FCN1: variants seen among roughly 807,000 people sequenced by gnomAD.
FCN1 encodes the protein ficolin 1, also known as ficolin-1.
A neutral mutation model predicts 35.6 loss-of-function variants in FCN1; 42 were observed. The ratio of observed to expected loss-of-function variants is 1.18; its 90% CI spans 0.92 to 1.53. FCN1 has a LOEUF of 1.53. Among genes scored for constraint, FCN1 ranks in the 40% most tolerant of loss-of-function variants. FCN1 has a pLI of 0.00. For missense variants in FCN1, 439 were observed against 428.4 expected, an observed-to-expected ratio of 1.02 and a Z score of -0.22; for synonymous variants, 179 against 169.8, an observed-to-expected ratio of 1.05 and a Z score of -0.42.
At chr9:134,917,464 G>C (rs1453015099) in intron 1 of FCN1, among the ~76,000 whole-genome samples, 3 of 152,154 alleles carry the variant, frequency 2.0e-5, no homozygotes, top group African/African-American at 7.2e-5. Context: ...CCCGTAAGAA[G>C]ATAAAGTCAA....
chr9:134,910,991 G>T lies in FCN1; in HGVS notation c.733+142C>A, dbSNP rs1831015816. The stretch of plus-strand genomic sequence containing the variant: ...TCCTGTGAGCCCCACGCTGTACAGA[G>T]ACACAAATGCTAGTGTCTGCTTCAT... On this transcript the variant is annotated intron_variant, in intron 8 of 8. Transcript: ENST00000371806. 5.6e-6 allele frequency: 5 copies of T among 894,408 alleles called. No individual in the cohort carries two copies. The South Asian group carries it at 6.3e-5, about 11-fold the overall frequency. The allele number at this position is 894,408 out of a possible 1,614,324, so 55.4% of individuals were successfully genotyped here.
chr9:134,909,680 G>C lies in FCN1; in HGVS notation c.*118C>G. ...GCTTGACTGAGCTGGGGGCAAAGGG[G>C]CAGCTGTGGGCGTCATGGGAGTGTG... On this transcript the variant is annotated 3_prime_UTR_variant, in exon 9 of 9. Transcript: ENST00000371806. The C allele has an allele frequency of 1.3e-6, 2 of 1,595,424 alleles. No individual in the cohort carries two copies. Among genetic ancestry groups the C allele is most frequent in the Non-Finnish European group, 1.7e-6 (2 of 1,177,636 alleles).
rs762162571 is a variant in FCN1 at position 134,907,861 on chromosome 9, C to T, written c.*1937G>A. ...TCCATTCTCTTCCTGATGGGTATGT[C>T]GGCTGATTCCAGTTTGGTGCTATGG... On this transcript the variant is annotated 3_prime_UTR_variant, in exon 9 of 9. Transcript: ENST00000371806. The T allele has an allele frequency of 6.6e-6, 1 of 152,134 alleles. No individual in the cohort carries two copies. The highest frequency in any genetic ancestry group is 2.4e-5 in the African/African-American group (1 of 41,404). The allele number at this position is 152,134 out of a possible 1,614,324, so 9.4% of individuals were successfully genotyped here. A position where few individuals can be genotyped will look rare whatever the true frequency, so the allele number is the denominator to read the frequency against.
chr9:134,904,991 G>A lies in FCN1; in HGVS notation c.*4807C>T, dbSNP rs1156963415. On this transcript the variant is annotated 3_prime_UTR_variant, in exon 9 of 9. Transcript: ENST00000371806. ...TTAAATAAATGTATCATAGCATGGC[G>A]GCAAGAATGGCATAAAAAGCAGAAG... 6.6e-6 allele frequency among the ~76,000 whole-genome samples: 1 copy of A among 152,034 alleles called. No individual in the cohort carries two copies. The highest frequency in any genetic ancestry group is 6.6e-5 in the Admixed American group (1 of 15,260).
At chr9:134,910,433 C>G (rs1025134786) in intron 8 of FCN1, among the ~76,000 whole-genome samples, 3 of 152,168 alleles carry the variant, frequency 2.0e-5, no homozygotes, top group African/African-American at 7.2e-5. Context: ...GGGGGCTTCT[C>G]CTCTATCTCA....
In FCN1 at chr9:134,909,800, AGGCGGGCC is replaced by A; in HGVS notation, c.971_978del (p.Arg324LeufsTer64). On this transcript the variant is annotated frameshift_variant, in exon 9 of 9. Coordinates refer to ENST00000371806, the MANE Select transcript of FCN1 (RefSeq NM_002003.5). LOFTEE classifies it high-confidence loss of function. ...CATGTGGAGGGGTCCTGGCCCGTCTAGGCGGGCCGCACCTTCATCTCTGACACCTTGTA... is the reference window on the plus strand; with the variant it reads ...CATGTGGAGGGGTCCTGGCCCGTCTAGCACCTTCATCTCTGACACCTTGTA... The A allele has an allele frequency of 6.2e-7, 1 of 1,612,996 alleles. No homozygotes were observed. The highest frequency in any genetic ancestry group is 8.5e-7 in the Non-Finnish European group (1 of 1,179,902).
intron 2 of FCN1, 91 bp from the exon 3 acceptor site, chr9:134,914,900 TC>T: frequency 1.1e-6 from 1 of 939,508 alleles, no homozygotes; most frequent in Non-Finnish European, 1.7e-6. Flanking sequence ...GTCCTGACCC[TC>T]CCCCACTCTG....
Position 134,909,945 on chromosome 9 carries a change from C to T in FCN1, c.834G>A (p.Trp278Ter), listed in dbSNP as rs1831000934. The change falls in exon 9 of 9, where the codon TGG becomes TGA. Residue 278 changes from tryptophan to a stop codon, truncating the protein, a stop_gained. Coordinates refer to ENST00000371806, the MANE Select transcript of FCN1 (RefSeq NM_002003.5). LOFTEE classifies it low-confidence loss of function (END_TRUNC). The part of the protein sequence containing the change: ...SNCAEKFQGA[W>*]WYADCHASNL... ...TTGAAGCATGACAGTCGGCGTACCACCAGGCTCCTTGGAACTTCTCAGCAC... is the reference window on the plus strand; with the variant it reads ...TTGAAGCATGACAGTCGGCGTACCATCAGGCTCCTTGGAACTTCTCAGCAC... 1 of 1,614,036 alleles carries T rather than the reference C, an allele frequency of 6.2e-7. No individual in the cohort carries two copies. Among genetic ancestry groups the T allele is most frequent in the Non-Finnish European group, 8.5e-7 (1 of 1,180,024 alleles).
At chr9:134,916,610 A>G in intron 1 of FCN1, 149 bp from the exon 2 acceptor site, 1 of 766,850 alleles carries the variant, frequency 1.3e-6, no homozygotes, top group Non-Finnish European at 2.2e-6. Flanking sequence ...CTGGCTTTGG[A>G]GGCCACCCCG....
chr9:134,910,103 C>A, intron 8 of FCN1, 58 bp from the exon 9 acceptor site: 1 of 1,472,144 alleles, frequency 6.8e-7, no homozygotes. Context: ...CACTGTGAGA[C>A]CCTCACCACA....
rs749133890 is a variant in FCN1, at chr9:134,909,793, C to G, written c.*5G>C. 2 of 1,611,920 alleles carry G rather than the reference C, an allele frequency of 1.2e-6. No homozygotes were observed. The highest frequency in any genetic ancestry group is 1.7e-6 in the Non-Finnish European group (2 of 1,179,790). On this transcript the variant is annotated 3_prime_UTR_variant, in exon 9 of 9. Coordinates refer to ENST00000371806, the MANE Select transcript of FCN1 (RefSeq NM_002003.5). The stretch of plus-strand genomic sequence containing the variant: ...GCAGGTGCATGTGGAGGGGTCCTGG[C>G]CCGTCTAGGCGGGCCGCACCTTCAT...
intron 7 of FCN1, 93 bp from the exon 8 acceptor site, chr9:134,911,360 TTG>T: frequency 9.2e-7 from 1 of 1,081,664 alleles, no homozygotes; most frequent in Non-Finnish European, 1.3e-6. Flanking sequence ...TTTTTTTTTT[TTG>T]AGACAGAGTT....
chr9:134,911,028 T>C, intron 8 of FCN1, 105 bp downstream of exon 8: 2 of 1,159,974 alleles, frequency 1.7e-6, no homozygotes, highest in South Asian at 1.4e-5. Flanking sequence ...GATGGAGAAA[T>C]GGGATTCAGA....
chr9:134,905,824 CTT>C lies in FCN1; in HGVS notation c.*3972_*3973del. On this transcript the variant is annotated 3_prime_UTR_variant, in exon 9 of 9. Transcript: ENST00000371806. The stretch of plus-strand genomic sequence containing the variant: ...TCTTCTTCTTCCTCTTCTTCTTCTT[CTT>C]CCTCTTCCTCTTCCTCTTCCTCTTC... The C allele has an allele frequency of 1.7e-4, 4 of 23,102 alleles. No individual in the cohort carries two copies. Among genetic ancestry groups the C allele is most frequent in the African/African-American group, 1.2e-3 (3 of 2,482 alleles). 1.4% of individuals were successfully genotyped at this position (23,102 alleles called of 1,614,324 possible). A position where few individuals can be genotyped will look rare whatever the true frequency, so the allele number is the denominator to read the frequency against.
Position 134,913,085 on chromosome 9 carries a change from G to A in FCN1, c.399C>T (p.Thr133=), listed in dbSNP as rs1469565643. The change falls in exon 6 of 9, where the codon ACC becomes ACT. Residue 133 remains threonine, a synonymous_variant. Coordinates refer to ENST00000371806, the MANE Select transcript of FCN1 (RefSeq NM_002003.5). The part of the protein sequence containing the change: ...DRGYFLSGWH[T]IYLPDCRPLT... ...GGGGCCGGCAGTCGGGCAGGTAGAT[G>A]GTGTGCCAGCCGCTCAGGAAATACC... The A allele has an allele frequency of 3.7e-6, 6 of 1,613,722 alleles. No individual in the cohort carries two copies. The highest frequency in any genetic ancestry group is 5.1e-6 in the Non-Finnish European group (6 of 1,179,908).
In FCN1 at chr9:134,911,943, C is replaced by A. The variant is rs1831028152; in HGVS notation, c.598+543G>T. Among the ~76,000 whole-genome samples, 3 of 152,344 alleles carry A rather than the reference C, an allele frequency of 2.0e-5. No individual in the cohort carries two copies. The South Asian group carries it at 6.2e-4, about 32-fold the overall frequency. The stretch of plus-strand genomic sequence containing the variant: ...TTTCTTTTGCAGGAATTTGAGGCAC[C>A]TGAGTGGATTCCTTCAATCATGCCA... On this transcript the variant is annotated intron_variant, in intron 7 of 8. Coordinates refer to ENST00000371806, the MANE Select transcript of FCN1 (RefSeq NM_002003.5).
At chr9:134,913,682 G>T in intron 4 of FCN1, 69 bp from the exon 5 acceptor site, 1 of 1,248,758 alleles carries the variant, frequency 8.0e-7, no homozygotes, top group Non-Finnish European at 1.1e-6. Flanking sequence ...AGCCCCAGTG[G>T]CTCCCTGAGC....
rs1191832632 is a variant in FCN1 at position 134,908,328 on chromosome 9, C to CTGTGATTT, written c.*1462_*1469dup. ...TGCAGGAATTCTTTCAGGTATAAGC[C>CTGTGATTT]TGTGATTTATTTATTTTTGTATAAG... On this transcript the variant is annotated 3_prime_UTR_variant, in exon 9 of 9. Coordinates refer to ENST00000371806, the MANE Select transcript of FCN1 (RefSeq NM_002003.5). 6.6e-6 allele frequency: 1 copy of CTGTGATTT among 152,068 alleles called. No homozygotes were observed. The highest frequency in any genetic ancestry group is 1.5e-5 in the Non-Finnish European group (1 of 68,042). The allele number at this position is 152,068 out of a possible 1,614,324, so 9.4% of individuals were successfully genotyped here. A position where few individuals can be genotyped will look rare whatever the true frequency, so the allele number is the denominator to read the frequency against.
At position 134,907,919 on chromosome 9, in the gene FCN1, C is replaced by T. The variant is rs1830974855; in HGVS notation, c.*1879G>A. 6.6e-6 allele frequency: 1 copy of T among 152,204 alleles called. No homozygotes were observed. The highest frequency in any genetic ancestry group is 6.5e-5 in the Admixed American group (1 of 15,278). 9.4% of individuals were successfully genotyped at this position (152,204 alleles called of 1,614,324 possible). ...TTGGCTGTAAAGATTCCTGGCCATGCTCCCTGGTACACATGACGGCCATAT... is the reference window on the plus strand; with the variant it reads ...TTGGCTGTAAAGATTCCTGGCCATGTTCCCTGGTACACATGACGGCCATAT... On this transcript the variant is annotated 3_prime_UTR_variant, in exon 9 of 9. Coordinates refer to ENST00000371806, the MANE Select transcript of FCN1 (RefSeq NM_002003.5).
Sources: gnomAD v4.1 joint callset for allele counts (sites outside exome capture counted in the v4.1 genomes callset) on GRCh38, gnomAD v4.1.1 for gene constraint, MANE v1.5 for transcripts, NCBI Gene and HGNC (gene_info 2026-07-23, HGNC 2026-07-21) for gene names.